The following GLUD1 variants were observed in gnomAD, a reference collection of about 807,000 sequenced individuals.
GLUD1 encodes the protein glutamate dehydrogenase 1, mitochondrial.
GLUD1 carries 22 observed loss-of-function variants against 56.0 expected under a neutral mutation model. The ratio of observed to expected loss-of-function variants is 0.39; its 90% CI spans 0.28 to 0.56. The LOEUF (loss-of-function observed/expected upper bound fraction) is 0.56, where lower values mean the gene tolerates loss of function less well. Ranked by LOEUF, GLUD1 falls within the 20% of genes least tolerant of loss-of-function variation. GLUD1 has a pLI of 0.58. For missense variants in GLUD1, 451 were observed against 732.0 expected, an observed-to-expected ratio of 0.62 and a Z score of 4.43; for synonymous variants, 223 against 269.9, an observed-to-expected ratio of 0.83 and a Z score of 1.70.
chr10:87,094,111 G>A lies in GLUD1; in HGVS notation c.445+214C>T. The A allele has an allele frequency of 6.7e-7, 1 of 1,500,304 alleles. No homozygotes were observed. The highest frequency in any genetic ancestry group is 8.9e-7 in the Non-Finnish European group (1 of 1,125,968). The allele number at this position is 1,500,304 out of a possible 1,614,324, so 92.9% of individuals were successfully genotyped here. ...ACAGAGGCCCGGGGTGACGGCGCGG[G>A]GGAGGGGGCAGGCCAATCGCATGAT... On this transcript the variant is annotated intron_variant, in intron 1 of 12. Coordinates refer to ENST00000277865, the MANE Select transcript of GLUD1 (RefSeq NM_005271.5). This position sits in a 1 kb window ranked among gnomAD's most constrained non-coding sequence, Gnocchi z 6.6.
chr10:87,064,066 G>A (rs1399999772), intron 5 of GLUD1, among the ~76,000 whole-genome samples: 1 of 152,088 alleles, frequency 6.6e-6, no homozygotes, highest in African/African-American at 2.4e-5. Flanking sequence ...TTTTAGTAGA[G>A]ATGGGGTATT....
intron 8 of GLUD1, 168 bp downstream of exon 8, chr10:87,060,520 C>T: frequency 1.1e-6 from 1 of 889,800 alleles, no homozygotes; most frequent in South Asian, 1.4e-5. Flanking sequence ...GTGCCGGTAG[C>T]TAAAAGCCAT....
chr10:87,052,669 C>CAAAAAAAAA, intron 12 of GLUD1, among the ~76,000 whole-genome samples: 1 of 41,724 alleles, frequency 2.4e-5, no homozygotes, highest in East Asian at 1.6e-3. Flanking sequence ...AACTCCGTCT[C>CAAAAAAAAA]AAAAAAAAAA....
Position 87,050,237 on chromosome 10 carries a change from T to G in GLUD1, c.*1514A>C, listed in dbSNP as rs1845594162. Among the ~76,000 whole-genome samples the G allele has an allele frequency of 6.6e-6, 1 of 151,896 alleles. No homozygotes were observed. Among genetic ancestry groups the G allele is most frequent in the African/African-American group, 2.4e-5 (1 of 41,352 alleles). On this transcript the variant is annotated 3_prime_UTR_variant, in exon 13 of 13. Transcript: ENST00000277865. ...ATTATTTAATAAAATACAAAATAAT[T>G]CGAGAATAAAGACTATGCTTTCAGG...
intron 10 of GLUD1, among the ~76,000 whole-genome samples, chr10:87,058,614 T>C (rs1410365832): frequency 6.6e-6 from 1 of 152,044 alleles, no homozygotes; most frequent in Non-Finnish European, 1.5e-5. Flanking sequence ...TATTATTGGC[T>C]GGGCACAGTG....
chr10:87,056,440 C>T (rs1057213385), intron 11 of GLUD1, among the ~76,000 whole-genome samples: 3 of 151,672 alleles, frequency 2.0e-5, no homozygotes, highest in East Asian at 2.0e-4. Context: ...ACTACAGGTG[C>T]GTGCCACCAT....
At chr10:87,085,875 C>A (rs1446553274) in intron 1 of GLUD1, among the ~76,000 whole-genome samples, 3 of 152,136 alleles carry the variant, frequency 2.0e-5, no homozygotes, top group Non-Finnish European at 4.4e-5. Flanking sequence ...TTGGTAGATT[C>A]TTTTATTCTG....
chr10:87,091,674 GA>G, intron 1 of GLUD1: 1 of 526,178 alleles, frequency 1.9e-6, no homozygotes, highest in Non-Finnish European at 2.4e-6. Context: ...TATTTACTTG[GA>G]AAAAGTACAC....
chr10:87,056,800 A>G (rs926000842), intron 11 of GLUD1, among the ~76,000 whole-genome samples: 1 of 152,180 alleles, frequency 6.6e-6, no homozygotes, highest in Non-Finnish European at 1.5e-5. Context: ...TATGGAGAAC[A>G]TAAGATCCAT....
chr10:87,055,853 C>T (rs953977041), intron 11 of GLUD1, among the ~76,000 whole-genome samples: 9 of 152,174 alleles, frequency 5.9e-5, no homozygotes, highest in Non-Finnish European at 1.3e-4. Flanking sequence ...CGGTGGCTCA[C>T]GCCTGTAATC....
At chr10:87,063,428 T>G (rs1199571736) in intron 5 of GLUD1, among the ~76,000 whole-genome samples, 1 of 149,682 alleles carries the variant, frequency 6.7e-6, no homozygotes, top group Non-Finnish European at 1.5e-5. Flanking sequence ...GAACATCAAG[T>G]AAGTACAAAT....
chr10:87,068,224 CCTTGTAAGTCT>C (rs1846131428), intron 4 of GLUD1, 67 bp from the exon 5 acceptor site: 1 of 936,270 alleles, frequency 1.1e-6, no homozygotes, highest in South Asian at 1.3e-5. Context: ...ACACAAAGAT[CCTTGTAAGTCT>C]CTGTAATAAC....
rs775247684 is a variant in GLUD1 at position 87,060,762 on chromosome 10, C to T, written c.1123G>A (p.Asp375Asn). Residue 375 changes from aspartate (D) to asparagine (N), a missense_variant, in exon 8 of 13, where the codon GAC becomes AAC. Transcript: ENST00000277865. ...KPYEGSILEADCDILIPAASE... is the reference protein window; with the variant it reads ...KPYEGSILEANCDILIPAASE... Reference sequence around the variant, plus strand: ...GCAGCTGGGATCAGTATGTCACAGTCGGCCTCCAAGATGCTTCCTTCATAG... The same window carrying T: ...GCAGCTGGGATCAGTATGTCACAGTTGGCCTCCAAGATGCTTCCTTCATAG... The T allele has an allele frequency of 1.1e-5, 18 of 1,614,036 alleles. No homozygotes were observed. The highest frequency in any genetic ancestry group is 8.0e-5 in the African/African-American group (6 of 74,908).
chr10:87,076,423 G>A (rs547748731), intron 2 of GLUD1, among the ~76,000 whole-genome samples, 153 bp downstream of exon 2: 3 of 151,688 alleles, frequency 2.0e-5, no homozygotes, highest in East Asian at 1.9e-4. Flanking sequence ...TCTTAATTTA[G>A]ACTAATTGAA....
At chr10:87,080,670 C>G (rs963141332) in intron 1 of GLUD1, among the ~76,000 whole-genome samples, 1 of 151,308 alleles carries the variant, frequency 6.6e-6, no homozygotes, top group Non-Finnish European at 1.5e-5. Context: ...CCCAGCCGCC[C>G]CATCTGAGAA....
chr10:87,051,554 C>T lies in GLUD1; in HGVS notation c.*197G>A, dbSNP rs1439777023. The T allele has an allele frequency of 2.9e-6, 2 of 692,010 alleles. No individual in the cohort carries two copies. The highest frequency in any genetic ancestry group is 2.6e-6 in the Non-Finnish European group (1 of 383,762). The allele number at this position is 692,010 out of a possible 1,614,324, so 42.9% of individuals were successfully genotyped here. A position where few individuals can be genotyped will look rare whatever the true frequency, so the allele number is the denominator to read the frequency against. On this transcript the variant is annotated 3_prime_UTR_variant, in exon 13 of 13. Transcript: ENST00000277865. The stretch of plus-strand genomic sequence containing the variant: ...CTCTGGTGTAGGTGATTTCTACTTT[C>T]ACACTCAGCTTGTACATGATCCGCT...
At chr10:87,057,288 CTT>C (rs1365136426) in intron 11 of GLUD1, among the ~76,000 whole-genome samples, 2 of 152,160 alleles carry the variant, frequency 1.3e-5, no homozygotes, top group Admixed American at 6.5e-5. Context: ...TGCCTGGCCT[CTT>C]GTTTCTTTCT....
rs1017763971 is a variant in GLUD1 at position 87,050,480 on chromosome 10, C to T, written c.*1271G>A. The T allele has an allele frequency of 8.6e-5, 13 of 151,432 alleles. No homozygotes were observed. Among genetic ancestry groups the T allele is most frequent in the African/African-American group, 2.7e-4 (11 of 41,164 alleles). 9.4% of individuals were successfully genotyped at this position (151,432 alleles called of 1,614,324 possible). A position where few individuals can be genotyped will look rare whatever the true frequency, so the allele number is the denominator to read the frequency against. ...CACATGTAAAAACACAGAAAAGAAA[C>T]GTAAGTTTTGGAAAACGTAGACTTT... On this transcript the variant is annotated 3_prime_UTR_variant, in exon 13 of 13. Coordinates refer to ENST00000277865, the MANE Select transcript of GLUD1 (RefSeq NM_005271.5).
intron 4 of GLUD1, among the ~76,000 whole-genome samples, chr10:87,068,377 T>C (rs1846134651): frequency 6.6e-6 from 1 of 152,250 alleles, no homozygotes; most frequent in South Asian, 2.1e-4. Flanking sequence ...CCTCTGGCAT[T>C]TACTTGCTGT....
Sources: allele counts gnomAD v4.1 joint callset (sites outside exome capture counted in the v4.1 genomes callset), GRCh38; gene constraint gnomAD v4.1.1; non-coding constraint Gnocchi (gnomAD v3.1); transcripts MANE v1.5; gene names NCBI Gene and HGNC (gene_info 2026-07-23, HGNC 2026-07-21).